Variants in PCDH7 observed in about 807,000 individuals in gnomAD.
PCDH7 encodes the protein protocadherin-7.
Under a neutral mutation model 58.9 loss-of-function variants are expected in PCDH7, and 17 were observed. The ratio of observed to expected loss-of-function variants is 0.29; its 90% CI spans 0.20 to 0.43. PCDH7 has a LOEUF of 0.43. PCDH7 is among the 20% of genes least tolerant of loss of function. The pLI is 1.00. For synonymous variants in PCDH7, 664 were observed against 616.4 expected (o/e 1.08, Z -1.14); for missense variants, 1,274 against 1,441.0 (o/e 0.88, Z 1.88).
intron 2 of PCDH7, among the ~76,000 whole-genome samples, chr4:30,940,613 A>G (rs1745914205): frequency 6.6e-6 from 1 of 152,044 alleles, no homozygotes. Flanking sequence ...TTCTTGTGGC[A>G]TATGGCTTAT....
intron 1 of PCDH7, among the ~76,000 whole-genome samples, chr4:30,740,160 C>T (rs1306519623): frequency 6.6e-6 from 1 of 152,130 alleles, no homozygotes; most frequent in Non-Finnish European, 1.5e-5. Context: ...GCTGCAGAGG[C>T]CACTCTCTCT....
intron 1 of PCDH7, among the ~76,000 whole-genome samples, chr4:30,788,793 TA>T (rs968804553): frequency 5.3e-5 from 8 of 152,144 alleles, no homozygotes; most frequent in African/African-American, 1.7e-4. Context: ...GCTGTGCCAC[TA>T]AACAGCCAGA....
chr4:30,767,017 G>C (rs183785152), intron 1 of PCDH7, among the ~76,000 whole-genome samples: 1 of 151,740 alleles, frequency 6.6e-6, no homozygotes, highest in Non-Finnish European at 1.5e-5. Context: ...AGTTTGACCC[G>C]TTGGTATAAA....
rs139664013 is a variant in PCDH7, at chr4:30,722,424, C to T, written c.1002C>T (p.Asp334=). 2.5e-5 allele frequency: 40 copies of T among 1,612,518 alleles called. No individual in the cohort carries two copies. Among genetic ancestry groups the T allele is most frequent in the Non-Finnish European group, 3.2e-5 (38 of 1,179,862 alleles). Residue 334 remains aspartate, a synonymous_variant, in exon 1 of 2, where the codon GAC becomes GAT. Coordinates refer to ENST00000361762, the Ensembl canonical transcript of PCDH7. The surrounding 1 kb of genome is among the most constrained non-coding windows in gnomAD (Gnocchi z 7.6). ...CCATCCTGCAACTGCGCGCAGCCGA[C>T]TTGGACGTGGGGGTCAACGGGCAGA...
At chr4:30,902,911 C>T (rs1740421152) in intron 1 of PCDH7, among the ~76,000 whole-genome samples, 15 of 151,988 alleles carry the variant, frequency 9.9e-5, no homozygotes, top group Admixed American at 9.9e-4. Flanking sequence ...AGAATTCAAA[C>T]CATTTTTCTC....
chr4:31,125,972 C>T (rs1718248093), intron 3 of PCDH7, among the ~76,000 whole-genome samples: 1 of 152,132 alleles, frequency 6.6e-6, no homozygotes, highest in African/African-American at 2.4e-5. Context: ...GGTCTGGCAT[C>T]AGACTACTTG....
chr4:30,722,451 C>T lies in PCDH7; in HGVS notation c.1029C>T (p.Ile343=). Reference sequence around the variant, plus strand: ...TGGACGTGGGGGTCAACGGGCAGATCGAATACGTGTTCGGGGCGGCCACCG... The same window carrying T: ...TGGACGTGGGGGTCAACGGGCAGATTGAATACGTGTTCGGGGCGGCCACCG... Residue 343 remains isoleucine, a synonymous_variant, in exon 1 of 2, where the codon ATC becomes ATT. Transcript: ENST00000361762. This position sits in a 1 kb window ranked among gnomAD's most constrained non-coding sequence, Gnocchi z 7.6. The T allele has an allele frequency of 6.2e-7, 1 of 1,611,352 alleles. No homozygotes were observed. The highest frequency in any genetic ancestry group is 8.5e-7 in the Non-Finnish European group (1 of 1,179,280).
intron 3 of PCDH7, among the ~76,000 whole-genome samples, chr4:31,112,274 G>T (rs1187824685): frequency 6.6e-6 from 1 of 152,020 alleles, no homozygotes; most frequent in Non-Finnish European, 1.5e-5. Context: ...CAGAAATTTT[G>T]CAGACATTTT....
intron 1 of PCDH7, among the ~76,000 whole-genome samples, chr4:30,758,628 T>C (rs1408622324): frequency 6.6e-6 from 1 of 152,038 alleles, no homozygotes; most frequent in Non-Finnish European, 1.5e-5. Flanking sequence ...GACAGTTGTG[T>C]GAGCACTAAA....
intron 3 of PCDH7, among the ~76,000 whole-genome samples, chr4:30,970,665 G>GT (rs907220843): frequency 2.6e-4 from 40 of 151,310 alleles, no homozygotes; most frequent in East Asian, 5.8e-4. Context: ...AAAGGAAAAG[G>GT]TTTTTTTTTG....
rs1731010336 is a variant in PCDH7 at position 30,840,042 on chromosome 4, G to A, written c.71-80111G>A. ...GCAATGATGATGAGTGTGTGTGTGT[G>A]TGTGTGTGTGTGGTTTTGTAACTGT... On this transcript the variant is annotated intron_variant, in intron 1 of 3. Transcript: ENST00000509759. 2.0e-5 allele frequency among the ~76,000 whole-genome samples: 3 copies of A among 151,886 alleles called. No homozygotes were observed. In the South Asian group the frequency reaches 6.2e-4, roughly 32 times the overall value.
At chr4:31,013,942 T>G (rs1249951015) in intron 3 of PCDH7, among the ~76,000 whole-genome samples, 1 of 152,198 alleles carries the variant, frequency 6.6e-6, no homozygotes, top group Non-Finnish European at 1.5e-5. Flanking sequence ...GCTTAGGCTA[T>G]GATTTGCAAC....
chr4:31,015,417 A>T (rs1238627233), intron 3 of PCDH7, among the ~76,000 whole-genome samples: 1 of 152,178 alleles, frequency 6.6e-6, no homozygotes, highest in East Asian at 1.9e-4. Context: ...AATAAGTAAG[A>T]TATGTCTGTC....
intron 3 of PCDH7, among the ~76,000 whole-genome samples, chr4:31,127,588 C>A (rs1026806459): frequency 6.6e-6 from 1 of 152,050 alleles, no homozygotes; most frequent in East Asian, 1.9e-4. Flanking sequence ...ACAATTACAC[C>A]TAATTCTAGA....
chr4:30,756,242 T>G (rs1719289243), intron 1 of PCDH7, among the ~76,000 whole-genome samples: 1 of 152,044 alleles, frequency 6.6e-6, no homozygotes, highest in East Asian at 1.9e-4. Flanking sequence ...GTGTAAGAAC[T>G]CACTACCTCA....
chr4:30,966,213 T>C (rs2109466452), intron 3 of PCDH7, among the ~76,000 whole-genome samples: 1 of 152,314 alleles, frequency 6.6e-6, no homozygotes, highest in Non-Finnish European at 1.5e-5. Context: ...AATCAGCATA[T>C]ATTATTGCAA....
At chr4:30,792,931 A>G (rs1355792163) in intron 1 of PCDH7, among the ~76,000 whole-genome samples, 1 of 152,128 alleles carries the variant, frequency 6.6e-6, no homozygotes, top group Non-Finnish European at 1.5e-5. Flanking sequence ...AACTTTTAAA[A>G]AACCCTGCAT....
At chr4:30,731,744 G>A (rs968392208) in exon 2 of PCDH7, 4 of 152,084 alleles carry the variant, frequency 2.6e-5, no homozygotes, top group African/African-American at 7.2e-5. Flanking sequence ...GCAAGTGACT[G>A]AATTTTAGTT....
At chr4:30,829,752 CAG>C (rs1729544373) in intron 1 of PCDH7, among the ~76,000 whole-genome samples, 1 of 152,048 alleles carries the variant, frequency 6.6e-6, no homozygotes, top group African/African-American at 2.4e-5. Flanking sequence ...GCATTATCCA[CAG>C]TATTTAGAAA....
Sources: gnomAD v4.1 joint callset for allele counts (sites outside exome capture counted in the v4.1 genomes callset) on GRCh38, gnomAD v4.1.1 for gene constraint, Gnocchi (gnomAD v3.1) non-coding constraint, MANE v1.5 for transcripts, NCBI Gene and HGNC (gene_info 2026-07-23, HGNC 2026-07-21) for gene names.